SFSWAP: variants seen among roughly 807,000 people sequenced by gnomAD.
The protein encoded by SFSWAP is splicing factor, suppressor of white-apricot homolog.
In SFSWAP, 17 loss-of-function variants were observed where a neutral mutation model predicts 100.7. That is an observed-to-expected ratio of 0.17 (90% confidence interval 0.12 to 0.25). The LOEUF is 0.25. Among genes scored for constraint, SFSWAP ranks in the 10% least tolerant of loss-of-function variants. The pLI is 1.00. For synonymous variants in SFSWAP, 504 were observed against 510.1 expected (o/e 0.99, Z 0.16); for missense variants, 1,005 against 1,262.6 (o/e 0.80, Z 3.09).
At chr12:131,768,780 T>C (rs1336968137) in intron 13 of SFSWAP, among the ~76,000 whole-genome samples, 1 of 152,206 alleles carries the variant, frequency 6.6e-6, no homozygotes, top group African/African-American at 2.4e-5. Context: ...TCCTGGCTCC[T>C]CACTTCAGCC....
intron 6 of SFSWAP, among the ~76,000 whole-genome samples, chr12:131,727,728 T>C (rs1429297631): frequency 6.6e-6 from 1 of 152,234 alleles, no homozygotes; most frequent in African/African-American, 2.4e-5. Context: ...AGTCCTATGT[T>C]ACCATCATAG....
At chr12:131,746,128 A>AT (rs1881080677) in intron 7 of SFSWAP, among the ~76,000 whole-genome samples, 1 of 152,242 alleles carries the variant, frequency 6.6e-6, no homozygotes, top group Non-Finnish European at 1.5e-5. Context: ...ATTAGCCTGA[A>AT]TTGGAGAGGA....
At chr12:131,785,241 C>T in intron 14 of SFSWAP, 1 of 1,533,014 alleles carries the variant, frequency 6.5e-7, no homozygotes, top group Non-Finnish European at 8.7e-7. Flanking sequence ...GTCTAACTGA[C>T]CTCGCCTTTA....
chr12:131,754,291 T>C (rs1881932790), intron 8 of SFSWAP, 77 bp from the exon 9 acceptor site: 3 of 1,209,252 alleles, frequency 2.5e-6, no homozygotes, highest in Middle Eastern at 3.0e-4. Context: ...TCTGAGGCGG[T>C]GAGGACCCCC....
intron 3 of SFSWAP, among the ~76,000 whole-genome samples, chr12:131,715,205 C>G (rs1267376673): frequency 6.6e-6 from 1 of 152,208 alleles, no homozygotes; most frequent in East Asian, 1.9e-4. Flanking sequence ...ATTACTCATT[C>G]AGGATTATTT....
At chr12:131,752,586 G>C (rs905439170) in intron 7 of SFSWAP, among the ~76,000 whole-genome samples, 1 of 152,228 alleles carries the variant, frequency 6.6e-6, no homozygotes, top group African/African-American at 2.4e-5. Flanking sequence ...CTGGGGCCGG[G>C]GGCTGACGCC....
Position 131,771,650 on chromosome 12 carries a change from C to CTTTTTTTTTTT in SFSWAP, c.2142+5354_2142+5364dup, listed in dbSNP as rs398021691. Among the ~76,000 whole-genome samples, 3 of 86,110 alleles carry CTTTTTTTTTTT rather than the reference C, an allele frequency of 3.5e-5. 1 individual carries two copies. The highest frequency in any genetic ancestry group is 1.2e-4 in the African/African-American group (3 of 24,370). The allele number at this position is 86,110 out of a possible 152,430, so 56.5% of individuals were successfully genotyped here. On this transcript the variant is annotated intron_variant, in intron 13 of 17. Coordinates refer to ENST00000261674, the MANE Select transcript of SFSWAP (RefSeq NM_004592.4). ...ACACTGAGTCATTTTGCTAATGTCT[C>CTTTTTTTTTTT]TTTTTTTTTTTTTTTTTTTTTTGAG...
At chr12:131,760,530 T>C (rs1438725309) in intron 11 of SFSWAP, among the ~76,000 whole-genome samples, 2 of 152,234 alleles carry the variant, frequency 1.3e-5, no homozygotes, top group East Asian at 3.8e-4. Flanking sequence ...AATACTGTTT[T>C]TGAGTGTAAG....
At chr12:131,719,400 C>A in intron 3 of SFSWAP, 54 bp from the exon 4 acceptor site, 1 of 1,313,026 alleles carries the variant, frequency 7.6e-7, no homozygotes, top group Non-Finnish European at 1.1e-6. Flanking sequence ...CTGCTGTTAG[C>A]AGGTGCCTTC....
At chr12:131,758,210 AC>A (rs1229831766) in intron 11 of SFSWAP, among the ~76,000 whole-genome samples, 5 of 151,978 alleles carry the variant, frequency 3.3e-5, no homozygotes, top group Non-Finnish European at 7.4e-5. Context: ...AAGGCACCTG[AC>A]CCCTGCCAGC....
At chr12:131,736,311 A>C (rs140213920) in intron 7 of SFSWAP, among the ~76,000 whole-genome samples, 152 of 152,346 alleles carry the variant, frequency 1.0e-3, no homozygotes, top group African/African-American at 3.4e-3. Context: ...TGTAAATGCC[A>C]GTTGTGGAAA....
At position 131,755,511 on chromosome 12, in the gene SFSWAP, C is replaced by G. The variant is rs1882074781; in HGVS notation, c.1548+32C>G. 4 of 1,503,592 alleles carry G rather than the reference C, an allele frequency of 2.7e-6. No individual in the cohort carries two copies. The African/African-American group carries it at 4.1e-5, about 16-fold the overall frequency. 93.1% of individuals were successfully genotyped at this position (1,503,592 alleles called of 1,614,324 possible). On this transcript the variant is annotated intron_variant, in intron 10 of 17. Coordinates refer to ENST00000261674, the MANE Select transcript of SFSWAP (RefSeq NM_004592.4). ...GTCTGAATGCAGGGAGGCTGTGAAG[C>G]TCTTAGAGGTGGCTCCGCCTTCCAG...
intron 15 of SFSWAP, among the ~76,000 whole-genome samples, chr12:131,787,774 C>G (rs1012583269): frequency 3.9e-5 from 6 of 152,290 alleles, no homozygotes; most frequent in Admixed American, 3.3e-4. Context: ...AGGCAGAGAG[C>G]CACAGCAGGT....
At chr12:131,741,656 A>C (rs1399466237) in intron 7 of SFSWAP, among the ~76,000 whole-genome samples, 3 of 151,982 alleles carry the variant, frequency 2.0e-5, no homozygotes, top group East Asian at 3.9e-4. Flanking sequence ...AAAAAAAAAA[A>C]AAAACAGTAA....
intron 3 of SFSWAP, 37 bp from the exon 4 acceptor site, chr12:131,719,417 G>A: frequency 6.5e-7 from 1 of 1,533,038 alleles, no homozygotes; most frequent in Admixed American, 1.7e-5. Flanking sequence ...CTTCCTCCCT[G>A]CATTGTTCTG....
chr12:131,775,818 G>A (rs533314114), intron 13 of SFSWAP, among the ~76,000 whole-genome samples: 2 of 152,120 alleles, frequency 1.3e-5, no homozygotes, highest in South Asian at 2.1e-4. Flanking sequence ...AGCTGGGCAC[G>A]GTGGTTCACG....
chr12:131,779,237 G>GTGTGTGAAGAGGGCGGCGCGGGTGAGCC (rs1566051544), intron 14 of SFSWAP, among the ~76,000 whole-genome samples: 8,158 of 141,874 alleles, frequency 0.058, 566 homozygotes, highest in East Asian at 0.21. Context: ...GCGGGTGAGC[G>GTGTGTGAAGAGGGCGGCGCGGGTGAGCC]TGTGTGAAGA....
intron 15 of SFSWAP, among the ~76,000 whole-genome samples, chr12:131,793,869 C>T (rs964057825): frequency 1.3e-5 from 2 of 152,052 alleles, no homozygotes; most frequent in Non-Finnish European, 2.9e-5. Context: ...CGAGACAGGA[C>T]TAGACGGGGG....
At chr12:131,738,989 C>G (rs1477399370) in intron 7 of SFSWAP, among the ~76,000 whole-genome samples, 2 of 86,322 alleles carry the variant, frequency 2.3e-5, no homozygotes, top group Admixed American at 1.4e-4. Context: ...AAGCTATCCT[C>G]CCACCTCAGC....
Sources: allele counts gnomAD v4.1 joint callset (sites outside exome capture counted in the v4.1 genomes callset), GRCh38; gene constraint gnomAD v4.1.1; transcripts MANE v1.5; gene names NCBI Gene and HGNC (gene_info 2026-07-23, HGNC 2026-07-21).